NDRG4: variants seen among roughly 807,000 people sequenced by gnomAD.
NDRG4 encodes protein NDRG4.
NDRG4 carries 38 observed loss-of-function variants against 55.8 expected under a neutral mutation model. The ratio of observed to expected loss-of-function variants is 0.68; its 90% CI spans 0.53 to 0.89. NDRG4 has a LOEUF of 0.89. NDRG4 is among the 40% of genes least tolerant of loss of function. The pLI is 0.00. For missense variants in NDRG4, 455 were observed against 468.6 expected, an observed-to-expected ratio of 0.97 and a Z score of 0.27; for synonymous variants, 190 against 182.7, an observed-to-expected ratio of 1.04 and a Z score of -0.32.
intron 1 of NDRG4, among the ~76,000 whole-genome samples, chr16:58,480,649 C>T (rs1362066831): frequency 6.6e-6 from 1 of 152,160 alleles, no homozygotes; most frequent in East Asian, 1.9e-4. Context: ...AGATTTCTGG[C>T]CTGTCCTCCA....
At chr16:58,473,134 C>T (rs1428502960) in intron 1 of NDRG4, among the ~76,000 whole-genome samples, 2 of 152,092 alleles carry the variant, frequency 1.3e-5, no homozygotes, top group Non-Finnish European at 2.9e-5. Flanking sequence ...TCTGTTCCTT[C>T]TCCTCCTTCC....
At chr16:58,465,360 C>T in intron 1 of NDRG4, 1 of 363,416 alleles carries the variant, frequency 2.8e-6, no homozygotes, top group Non-Finnish European at 5.5e-6. Context: ...TCTGTGGGTG[C>T]GCTCAGGAAA....
rs368334506 is a variant in NDRG4 at position 58,504,707 on chromosome 16, G to A, written c.372+58G>A. 1.8e-4 allele frequency: 288 copies of A among 1,595,344 alleles called. 1 individual carries two copies. In the African/African-American group the frequency reaches 3.6e-3, roughly 20 times the overall value. ...ACCAGGGCAAGCCAGGGATGTCCCAGTGGTGGGGACTGGGGGGAACCCTTC... is the reference window on the plus strand; with the variant it reads ...ACCAGGGCAAGCCAGGGATGTCCCAATGGTGGGGACTGGGGGGAACCCTTC... On this transcript the variant is annotated intron_variant, in intron 5 of 14. Coordinates refer to ENST00000570248, the MANE Select transcript of NDRG4 (RefSeq NM_001242835.2).
chr16:58,465,634 C>A (rs2031481972), intron 1 of NDRG4, among the ~76,000 whole-genome samples: 1 of 152,060 alleles, frequency 6.6e-6, no homozygotes, highest in South Asian at 2.1e-4. Context: ...CGCAGTGGCT[C>A]ATGCCTGTAA....
At position 58,506,381 on chromosome 16, in the gene NDRG4, C is replaced by CTGCA. The variant is rs1485713944; in HGVS notation, c.373-5_373-2dup. On this transcript the variant is annotated splice_polypyrimidine_tract_variant and splice_region_variant and intron_variant, in intron 5 of 14. Coordinates refer to ENST00000570248, the MANE Select transcript of NDRG4 (RefSeq NM_001242835.2). ...CCGCCCGGCCCTGTTTCCCCTCTTA[C>CTGCA]TGCAGCTCATCTTCCCCGACCTGGT... The CTGCA allele has an allele frequency of 6.2e-7, 1 of 1,613,786 alleles. No homozygotes were observed. The highest frequency in any genetic ancestry group is 8.5e-7 in the Non-Finnish European group (1 of 1,179,994).
intron 1 of NDRG4, among the ~76,000 whole-genome samples, chr16:58,474,540 T>C (rs1385959164): frequency 6.6e-6 from 1 of 151,964 alleles, no homozygotes; most frequent in South Asian, 2.1e-4. Flanking sequence ...TTCACATCCC[T>C]CTCTCTCCCC....
At chr16:58,501,751 AC>A in intron 1 of NDRG4, 1 of 318,034 alleles carries the variant, frequency 3.1e-6, no homozygotes, top group South Asian at 2.4e-5. Flanking sequence ...GAGCCTGATC[AC>A]GTCACCTCAG....
At chr16:58,497,149 C>T (rs1448320027), upstream of NDRG4, 1 of 152,066 alleles carries the variant, frequency 6.6e-6, no homozygotes, top group Non-Finnish European at 1.5e-5. Flanking sequence ...TAGTGAAACC[C>T]CATCTCTACT....
intron 1 of NDRG4, among the ~76,000 whole-genome samples, chr16:58,466,473 C>T (rs1364364623): frequency 6.6e-6 from 1 of 152,246 alleles, no homozygotes; most frequent in Non-Finnish European, 1.5e-5. Context: ...ACCCCATGCA[C>T]TGTTCTCTCA....
Position 58,512,248 on chromosome 16 carries a change from G to C in NDRG4, c.*672G>C, listed in dbSNP as rs2038892301. The stretch of plus-strand genomic sequence containing the variant: ...GACTGTCCCTTCCAGCCCACACTCT[G>C]CCACCTCCTGGCCCTGTCCCAATTC... On this transcript the variant is annotated 3_prime_UTR_variant, in exon 15 of 15. Transcript: ENST00000570248. 2.6e-6 allele frequency: 1 copy of C among 382,068 alleles called. No homozygotes were observed. The highest frequency in any genetic ancestry group is 1.9e-5 in the South Asian group (1 of 51,462). 23.7% of individuals were successfully genotyped at this position (382,068 alleles called of 1,614,324 possible). A position where few individuals can be genotyped will look rare whatever the true frequency, so the allele number is the denominator to read the frequency against.
At chr16:58,509,924 A>G (rs915274470) in intron 13 of NDRG4, among the ~76,000 whole-genome samples, 12 of 150,910 alleles carry the variant, frequency 8.0e-5, no homozygotes, top group African/African-American at 2.4e-4. Context: ...GGGTGGAACC[A>G]GGTACACACA....
chr16:58,509,671 G>A (rs1369808077), intron 13 of NDRG4, among the ~76,000 whole-genome samples: 1 of 152,166 alleles, frequency 6.6e-6, no homozygotes, highest in Non-Finnish European at 1.5e-5. Context: ...GCCAGGGGCC[G>A]TGTCCTGCCA....
upstream of NDRG4, among the ~76,000 whole-genome samples, chr16:58,496,662 G>C (rs1398390063): frequency 6.6e-6 from 1 of 152,052 alleles, no homozygotes; most frequent in African/African-American, 2.4e-5. Flanking sequence ...TTTGTCTACC[G>C]CATTTTCAGG....
intron 1 of NDRG4, among the ~76,000 whole-genome samples, chr16:58,486,859 C>G (rs1041499422): frequency 2.9e-4 from 44 of 152,168 alleles, no homozygotes; most frequent in Non-Finnish European, 8.8e-5. Context: ...CTGTGTATCA[C>G]CCCTCCCTGT....
intron 2 of NDRG4, among the ~76,000 whole-genome samples, chr16:58,488,075 A>G (rs2035330202): frequency 6.6e-6 from 1 of 152,098 alleles, no homozygotes; most frequent in South Asian, 2.1e-4. Context: ...GCCACAGGAG[A>G]GTTATCCCGG....
At chr16:58,508,872 T>C in intron 10 of NDRG4, 90 bp from the exon 11 acceptor site, 1 of 1,447,262 alleles carries the variant, frequency 6.9e-7, no homozygotes, top group Non-Finnish European at 9.6e-7. Flanking sequence ...GCACCCCCTC[T>C]CCTCCCCGAG....
intron 2 of NDRG4, among the ~76,000 whole-genome samples, chr16:58,489,916 C>T (rs1737870919): frequency 6.6e-6 from 1 of 152,122 alleles, no homozygotes; most frequent in Non-Finnish European, 1.5e-5. Context: ...GCCATCATAG[C>T]CCACTGCAGC....
At chr16:58,483,057 A>G (rs982466986) in intron 1 of NDRG4, among the ~76,000 whole-genome samples, 1 of 152,130 alleles carries the variant, frequency 6.6e-6, no homozygotes, top group Non-Finnish European at 1.5e-5. Flanking sequence ...AAGTGCTGGG[A>G]TTACAGGTGT....
At chr16:58,504,729 C>T in intron 5 of NDRG4, 80 bp downstream of exon 5, 1 of 1,522,330 alleles carries the variant, frequency 6.6e-7, no homozygotes. Flanking sequence ...GGGGGGAACC[C>T]TTCAGCCTTG....
Sources: gnomAD v4.1 joint callset for allele counts (sites outside exome capture counted in the v4.1 genomes callset) on GRCh38, gnomAD v4.1.1 for gene constraint, MANE v1.5 for transcripts, NCBI Gene and HGNC (gene_info 2026-07-23, HGNC 2026-07-21) for gene names.